The following QTMAN variants were observed in gnomAD, a reference collection of about 807,000 sequenced individuals.
The protein encoded by QTMAN is tRNA-queuosine alpha-mannosyltransferase.
At chr2:144,242,102 G>A in the QTMAN span, among the ~76,000 whole-genome samples, 6 of 152,098 alleles carry the variant, frequency 3.9e-5, no homozygotes, top group Non-Finnish European at 8.8e-5. Context: ...AAAACAGCTA[G>A]AGAATATAGC....
the QTMAN span, among the ~76,000 whole-genome samples, chr2:143,953,423 ATTACT>A: frequency 8.4e-3 from 1,280 of 151,964 alleles, 7 homozygotes; most frequent in Non-Finnish European, 0.012. Flanking sequence ...TCTCATGAAG[ATTACT>A]TTAATGAACA....
the QTMAN span, chr2:143,970,842 C>T: frequency 1.3e-6 from 1 of 769,472 alleles, no homozygotes; most frequent in Non-Finnish European, 2.3e-6. Context: ...CCTACAGTAT[C>T]AATTTTTTTC....
the QTMAN span, among the ~76,000 whole-genome samples, chr2:144,057,129 T>C: frequency 6.6e-6 from 1 of 152,204 alleles, no homozygotes; most frequent in African/African-American, 2.4e-5. Flanking sequence ...GGCCAAGACG[T>C]TGAACTTCCC....
At chr2:144,008,103 A>G in the QTMAN span, among the ~76,000 whole-genome samples, 1 of 152,106 alleles carries the variant, frequency 6.6e-6, no homozygotes, top group Non-Finnish European at 1.5e-5. Flanking sequence ...AAAGAGTTCA[A>G]TGTCTGTTAC....
At chr2:144,200,564 G>T in the QTMAN span, among the ~76,000 whole-genome samples, 5 of 152,204 alleles carry the variant, frequency 3.3e-5, no homozygotes, top group African/African-American at 1.2e-4. Context: ...GTTAGAAAAT[G>T]TAAGAATTTG....
At chr2:144,013,225 T>G in the QTMAN span, among the ~76,000 whole-genome samples, 1 of 152,206 alleles carries the variant, frequency 6.6e-6, no homozygotes, top group African/African-American at 2.4e-5. Flanking sequence ...TAAGTACCTA[T>G]TGAGTACCTA....
At chr2:144,309,669 T>C in the QTMAN span, among the ~76,000 whole-genome samples, 2 of 152,340 alleles carry the variant, frequency 1.3e-5, no homozygotes, top group Admixed American at 6.5e-5. Context: ...TGTACCTTGA[T>C]TGTAGTAGTA....
At chr2:144,224,862 A>G in the QTMAN span, among the ~76,000 whole-genome samples, 1 of 152,222 alleles carries the variant, frequency 6.6e-6, no homozygotes, top group African/African-American at 2.4e-5. Context: ...TGACCCAAAT[A>G]TAGTCTCGGG....
At chr2:144,214,259 A>AT in the QTMAN span, among the ~76,000 whole-genome samples, 3 of 152,120 alleles carry the variant, frequency 2.0e-5, no homozygotes, top group African/African-American at 4.8e-5. Context: ...CAAAAAAGTT[A>AT]TTTTTTTAAA....
chr2:144,141,498 T>TA, the QTMAN span, among the ~76,000 whole-genome samples: 2 of 150,600 alleles, frequency 1.3e-5, no homozygotes, highest in Non-Finnish European at 1.5e-5. Context: ...AACATTGACT[T>TA]ATCTAGACCA....
At chr2:144,282,829 C>A in the QTMAN span, among the ~76,000 whole-genome samples, 2 of 152,108 alleles carry the variant, frequency 1.3e-5, no homozygotes, top group African/African-American at 4.8e-5. Context: ...TTCCACCCAA[C>A]TCCCATCCTA....
the QTMAN span, among the ~76,000 whole-genome samples, chr2:144,129,438 T>C: frequency 0.011 from 1,737 of 152,054 alleles, 36 homozygotes; most frequent in African/African-American, 0.038. Flanking sequence ...ATTTCTTCTC[T>C]TGATGCCCAC....
chr2:143,957,936 AAAG>A, the QTMAN span, among the ~76,000 whole-genome samples: 1 of 152,124 alleles, frequency 6.6e-6, no homozygotes. Flanking sequence ...AGGTCTTCTG[AAAG>A]AAGAGAGAGA....
chr2:144,067,740 G>A, the QTMAN span, among the ~76,000 whole-genome samples: 1 of 152,126 alleles, frequency 6.6e-6, no homozygotes, highest in Non-Finnish European at 1.5e-5. Flanking sequence ...AATGCCAGCT[G>A]GAAGAAGGGG....
the QTMAN span, among the ~76,000 whole-genome samples, chr2:144,265,352 G>A: frequency 6.6e-6 from 1 of 152,102 alleles, no homozygotes; most frequent in African/African-American, 2.4e-5. Flanking sequence ...TACAAAATAT[G>A]GGAAACATAT....
the QTMAN span, among the ~76,000 whole-genome samples, chr2:144,157,815 A>AT: frequency 6.6e-6 from 1 of 151,796 alleles, no homozygotes; most frequent in Non-Finnish European, 1.5e-5. Context: ...TATATATATG[A>AT]TATCTATATG....
the QTMAN span, among the ~76,000 whole-genome samples, chr2:144,266,379 C>CACT: frequency 6.6e-6 from 1 of 152,216 alleles, no homozygotes; most frequent in Non-Finnish European, 1.5e-5. Flanking sequence ...CACTACCCCA[C>CACT]AGCCCCATCA....
chr2:144,310,709 A>G, the QTMAN span, among the ~76,000 whole-genome samples: 1 of 152,244 alleles, frequency 6.6e-6, no homozygotes, highest in Non-Finnish European at 1.5e-5. Flanking sequence ...AAAGAAAAAG[A>G]AGAGTCAGGG....
At chr2:144,151,893 A>G in the QTMAN span, among the ~76,000 whole-genome samples, 1 of 152,340 alleles carries the variant, frequency 6.6e-6, no homozygotes, top group South Asian at 2.1e-4. Context: ...TTTCTACTGC[A>G]TGTTTAAATG....
Sources: gnomAD v4.1 joint callset for allele counts (sites outside exome capture counted in the v4.1 genomes callset) on GRCh38, gnomAD v4.1.1 for gene constraint, MANE v1.5 for transcripts, NCBI Gene and HGNC (gene_info 2026-07-23, HGNC 2026-07-21) for gene names.